Variants in NTRK2 observed in about 807,000 individuals in gnomAD.
The protein encoded by NTRK2 is neurotrophic receptor tyrosine kinase 2.
Under a neutral mutation model 94.5 loss-of-function variants are expected in NTRK2, and 13 were observed. The ratio of observed to expected loss-of-function variants is 0.14; its 90% CI spans 0.09 to 0.22. The LOEUF (loss-of-function observed/expected upper bound fraction) is 0.22. Ranked by LOEUF, NTRK2 falls within the 10% of genes least tolerant of loss-of-function variation. The pLI, the probability that NTRK2 is intolerant of heterozygous loss-of-function variation, is 1.00. For missense variants in NTRK2, 639 were observed against 1,071.2 expected (o/e 0.60, Z 5.63); for synonymous variants, 372 against 407.4 (o/e 0.91, Z 1.05).
intron 12 of NTRK2, among the ~76,000 whole-genome samples, chr9:84,836,261 C>G (rs1432334400): frequency 6.6e-6 from 1 of 152,122 alleles, no homozygotes. Flanking sequence ...TAGAGAAATG[C>G]AAGAAGAGGG....
intron 15 of NTRK2, among the ~76,000 whole-genome samples, chr9:84,946,307 C>A (rs770240206): frequency 1.3e-5 from 2 of 152,258 alleles, no homozygotes; most frequent in Non-Finnish European, 2.9e-5. Flanking sequence ...CACTCCCTCT[C>A]TGACCTCTCT....
chr9:84,832,806 C>A (rs1395066022), intron 12 of NTRK2, among the ~76,000 whole-genome samples: 1 of 152,108 alleles, frequency 6.6e-6, no homozygotes, highest in African/African-American at 2.4e-5. Context: ...CGGAAGTGCT[C>A]CTGAGCTGGC....
intron 2 of NTRK2, among the ~76,000 whole-genome samples, chr9:84,696,251 G>A (rs778486473): frequency 1.3e-5 from 2 of 152,194 alleles, no homozygotes; most frequent in Non-Finnish European, 2.9e-5. Flanking sequence ...CAAGCCTCCT[G>A]CCTTGGCCTC....
intron 12 of NTRK2, among the ~76,000 whole-genome samples, chr9:84,816,081 C>A (rs1164962059): frequency 1.3e-5 from 2 of 151,646 alleles, no homozygotes; most frequent in African/African-American, 4.9e-5. Context: ...TTGAAATGAC[C>A]CAGGTCACAA....
rs201190904 is a variant in NTRK2, at chr9:84,867,225, A to G, written c.1445-18A>G. 1.9e-6 allele frequency: 3 copies of G among 1,612,568 alleles called. No individual in the cohort carries two copies. Among genetic ancestry groups the G allele is most frequent in the Non-Finnish European group, 2.5e-6 (3 of 1,178,756 alleles). ...AGCCATTGATTACAGGAGAATATAT[A>G]TATTTTTCCATCTCCAGGCCCAGCC... On this transcript the variant is annotated intron_variant, in intron 13 of 18. Transcript: ENST00000277120.
chr9:85,026,543 A>G lies in NTRK2; in HGVS notation c.*5106A>G, dbSNP rs536316092. The G allele has an allele frequency of 7.5e-4, 175 of 232,810 alleles. No homozygotes were observed. Among genetic ancestry groups the G allele is most frequent in the Non-Finnish European group, 1.2e-3 (145 of 117,778 alleles). 14.4% of individuals were successfully genotyped at this position (232,810 alleles called of 1,614,324 possible). ...TTTTAAATACAAGGTCTTTGAATTA[A>G]ATGTGGATTTTAAATATGTAATCCC... On this transcript the variant is annotated 3_prime_UTR_variant, in exon 19 of 19. Transcript: ENST00000277120.
intron 2 of NTRK2, among the ~76,000 whole-genome samples, chr9:84,672,875 G>T (rs1193533308): frequency 2.0e-5 from 3 of 152,082 alleles, no homozygotes; most frequent in Non-Finnish European, 4.4e-5. Context: ...CTGATGGCAG[G>T]TTCCTATTTT....
intron 14 of NTRK2, chr9:84,875,202 T>C (rs2076018481): frequency 2.8e-6 from 3 of 1,057,924 alleles, no homozygotes; most frequent in Non-Finnish European, 3.4e-6. Context: ...AATATTTCTA[T>C]AGTAATGGCT....
chr9:84,944,215 TCACACACA>T lies in NTRK2; in HGVS notation c.1765-4216_1765-4209del, dbSNP rs56021326. On this transcript the variant is annotated intron_variant, in intron 15 of 18. Coordinates refer to ENST00000277120, the MANE Select transcript of NTRK2 (RefSeq NM_006180.6). ...TGTTCTCTCTCTCTCTCTCTCTCTC[TCACACACA>T]CACACACACACACACACACACACAC... Among the ~76,000 whole-genome samples, 7 of 120,332 alleles carry T rather than the reference TCACACACA, an allele frequency of 5.8e-5. No homozygotes were observed. In the East Asian group the frequency reaches 6.9e-4, roughly 12 times the overall value. 78.9% of individuals were successfully genotyped at this position (120,332 alleles called of 152,430 possible).
intron 12 of NTRK2, among the ~76,000 whole-genome samples, chr9:84,798,134 C>A (rs2069852432): frequency 6.6e-6 from 1 of 151,224 alleles, no homozygotes; most frequent in Non-Finnish European, 1.5e-5. Context: ...CAGGTGAGGG[C>A]CCATTTTCTG....
intron 12 of NTRK2, among the ~76,000 whole-genome samples, chr9:84,817,557 C>A (rs952383028): frequency 2.6e-5 from 4 of 152,236 alleles, no homozygotes; most frequent in African/African-American, 9.6e-5. Context: ...ATGTCTTACA[C>A]TGAATACAGC....
intron 12 of NTRK2, among the ~76,000 whole-genome samples, chr9:84,837,945 TG>T (rs2073968362): frequency 1.3e-5 from 2 of 152,192 alleles, no homozygotes; most frequent in African/African-American, 4.8e-5. Flanking sequence ...TATCACATCC[TG>T]GAAGTTCTGG....
intron 11 of NTRK2, among the ~76,000 whole-genome samples, chr9:84,751,023 T>G (rs1208406919): frequency 3.9e-5 from 6 of 152,150 alleles, no homozygotes; most frequent in Non-Finnish European, 7.4e-5. Flanking sequence ...TAAACTTACT[T>G]AAACATTTTT....
intron 10 of NTRK2, among the ~76,000 whole-genome samples, chr9:84,742,383 A>C (rs1292994144): frequency 6.6e-6 from 1 of 152,182 alleles, no homozygotes; most frequent in Non-Finnish European, 1.5e-5. Context: ...CAGCTCCACT[A>C]TGTCATCTGG....
At chr9:84,774,849 C>A (rs1284410516) in intron 12 of NTRK2, among the ~76,000 whole-genome samples, 2 of 151,940 alleles carry the variant, frequency 1.3e-5, no homozygotes, top group Admixed American at 1.3e-4. Context: ...TTACTGTCTC[C>A]CCAGTTGTAA....
At chr9:84,828,052 A>G (rs2073299248) in intron 12 of NTRK2, among the ~76,000 whole-genome samples, 2 of 152,190 alleles carry the variant, frequency 1.3e-5, no homozygotes. Flanking sequence ...ATTGAGTTGC[A>G]TTGACTCCCA....
intron 12 of NTRK2, among the ~76,000 whole-genome samples, chr9:84,797,009 C>T (rs1285858670): frequency 6.6e-6 from 1 of 152,064 alleles, no homozygotes. Context: ...TAACTTAGAG[C>T]TTTCATAAAT....
chr9:84,934,273 A>G lies in NTRK2; in HGVS notation c.1745A>G (p.Lys582Arg), dbSNP rs2132720800. The change falls in exon 15 of 19, where the codon AAG becomes AGG. Residue 582 changes from lysine to arginine, a missense_variant. By Grantham distance (26) the Lys-to-Arg change is conservative (BLOSUM62 2). Coordinates refer to ENST00000277120, the MANE Select transcript of NTRK2 (RefSeq NM_006180.6). ...TATAACCTCTGTCCTGAGCAGGACA[A>G]GATCTTGGTGGCAGTGAAGGTAAGA... ...ECYNLCPEQDKILVAVKTLKD... is the reference protein window; with the variant it reads ...ECYNLCPEQDRILVAVKTLKD... 1 of 1,614,044 alleles carries G rather than the reference A, an allele frequency of 6.2e-7. No individual in the cohort carries two copies. Among genetic ancestry groups the G allele is most frequent in the Non-Finnish European group, 8.5e-7 (1 of 1,179,896 alleles).
intron 17 of NTRK2, among the ~76,000 whole-genome samples, chr9:84,983,466 C>G (rs1208130192): frequency 6.6e-6 from 1 of 152,218 alleles, no homozygotes; most frequent in Non-Finnish European, 1.5e-5. Flanking sequence ...AAACAACTGT[C>G]TTTGAACCCT....
Sources: gnomAD v4.1 joint callset for allele counts (sites outside exome capture counted in the v4.1 genomes callset) on GRCh38, gnomAD v4.1.1 for gene constraint, MANE v1.5 for transcripts, NCBI Gene and HGNC (gene_info 2026-07-23, HGNC 2026-07-21) for gene names.